Variants in PPP2R2C observed in about 807,000 individuals in gnomAD.
The protein encoded by PPP2R2C is protein phosphatase 2 regulatory subunit Bgamma.
PPP2R2C carries 10 observed loss-of-function variants against 45.3 expected under a neutral mutation model. That is an observed-to-expected ratio of 0.22 (90% confidence interval 0.14 to 0.37). The LOEUF (loss-of-function observed/expected upper bound fraction) is 0.37, where lower values mean the gene tolerates loss of function less well. Ranked by LOEUF, PPP2R2C falls within the 10% of genes least tolerant of loss-of-function variation. The pLI, the probability that PPP2R2C is intolerant of heterozygous loss-of-function variation, is 1.00. For synonymous variants in PPP2R2C, 257 were observed against 245.4 expected (o/e 1.05, Z -0.44); for missense variants, 308 against 619.7 (o/e 0.50, Z 5.34).
intron 1 of PPP2R2C, among the ~76,000 whole-genome samples, chr4:6,408,345 AC>A (rs1717936415): frequency 6.6e-6 from 1 of 151,790 alleles, no homozygotes; most frequent in Non-Finnish European, 1.5e-5. Context: ...GCGCCTAACT[AC>A]CCCCGGTACA....
intron 2 of PPP2R2C, among the ~76,000 whole-genome samples, chr4:6,508,450 A>T (rs1723312816): frequency 6.6e-6 from 1 of 152,090 alleles, no homozygotes; most frequent in Non-Finnish European, 1.5e-5. Flanking sequence ...TTAGCTGGGC[A>T]TAGTGGCGGG....
rs5855913 is a variant in PPP2R2C at position 6,446,879 on chromosome 4, T to TAA, written c.70+25279_70+25280dup. On this transcript the variant is annotated intron_variant, in intron 1 of 8. Coordinates refer to ENST00000382599, the MANE Select transcript of PPP2R2C (RefSeq NM_020416.4). ...TTTTATAAAGCAAAGTGTCTGCTTG[T>TAA]AAAAAAAAAAAAACAAAACATGCTG... Among the ~76,000 whole-genome samples the TAA allele has an allele frequency of 3.0e-3, 429 of 142,172 alleles. 2 individuals carry two copies. The highest frequency in any genetic ancestry group is 0.014 in the Admixed American group (197 of 14,226). 93.3% of individuals were successfully genotyped at this position (142,172 alleles called of 152,430 possible).
intron 1 of PPP2R2C, among the ~76,000 whole-genome samples, chr4:6,557,717 G>T (rs143603535): frequency 6.6e-6 from 1 of 152,192 alleles, no homozygotes; most frequent in East Asian, 1.9e-4. Flanking sequence ...TCTGGATTGG[G>T]AGGCCCTCAA....
intron 1 of PPP2R2C, among the ~76,000 whole-genome samples, chr4:6,442,228 T>C (rs767572910): frequency 6.6e-6 from 1 of 152,226 alleles, no homozygotes; most frequent in African/African-American, 2.4e-5. Context: ...GTGGCTGGCC[T>C]GCAGCTCCCC....
At position 6,322,434 on chromosome 4, in the gene PPP2R2C, C is replaced by CA. The variant is rs1286742371; in HGVS notation, c.*867dup. On this transcript the variant is annotated 3_prime_UTR_variant, in exon 9 of 9. Coordinates refer to ENST00000382599, the MANE Select transcript of PPP2R2C (RefSeq NM_020416.4). The surrounding 1 kb of genome is among the most constrained non-coding windows in gnomAD (Gnocchi z 7.8). ...CACCTCACAGTCAGGAGGAAGATTCCAAAAAATCGTGCATGGGAGTCAGTG... is the reference window on the plus strand; with the variant it reads ...CACCTCACAGTCAGGAGGAAGATTCCAAAAAAATCGTGCATGGGAGTCAGTG... 1 of 152,152 alleles carries CA rather than the reference C, an allele frequency of 6.6e-6. No individual in the cohort carries two copies. The highest frequency in any genetic ancestry group is 1.5e-5 in the Non-Finnish European group (1 of 68,046). 9.4% of individuals were successfully genotyped at this position (152,152 alleles called of 1,614,324 possible).
rs1015723374 is a variant in PPP2R2C at position 6,331,091 on chromosome 4, G to C, written c.961-1738C>G. ...AAATCAAGGGGGATGAATGGCAGCA[G>C]GTTTTAGTGTTCGTGTCCCACCCCC... is the stretch of plus-strand genomic sequence containing the variant. On this transcript the variant is annotated intron_variant, in intron 7 of 8. Transcript: ENST00000382599. The surrounding 1 kb of genome is among the most constrained non-coding windows in gnomAD (Gnocchi z 5.9). 6.6e-6 allele frequency among the ~76,000 whole-genome samples: 1 copy of C among 152,162 alleles called. No homozygotes were observed.
intron 2 of PPP2R2C, among the ~76,000 whole-genome samples, chr4:6,515,455 A>T (rs1723800078): frequency 6.6e-6 from 1 of 152,060 alleles, no homozygotes. Context: ...TTGGATCTCA[A>T]CTCAGCTGTT....
At chr4:6,406,811 C>T (rs1194964757) in intron 1 of PPP2R2C, among the ~76,000 whole-genome samples, 2 of 152,112 alleles carry the variant, frequency 1.3e-5, no homozygotes, top group African/African-American at 4.8e-5. Flanking sequence ...GGTATGTCCA[C>T]ACTCTAATCC....
At chr4:6,530,601 A>T (rs1329397869) in intron 2 of PPP2R2C, among the ~76,000 whole-genome samples, 7 of 152,036 alleles carry the variant, frequency 4.6e-5, no homozygotes, top group African/African-American at 7.2e-5. Context: ...GCAGGGTGTG[A>T]CTCTGAGCTG....
chr4:6,382,622 T>TTCTCTCTCTCTCGTTC (rs1715887545), intron 1 of PPP2R2C: 1 of 510,492 alleles, frequency 2.0e-6, no homozygotes, highest in African/African-American at 2.9e-5. Flanking sequence ...GAGTTTCTCG[T>TTCTCTCTCTCTCGTTC]TCTCTCTCTC....
chr4:6,381,906 T>C (rs1419432807), intron 1 of PPP2R2C: 1 of 1,591,120 alleles, frequency 6.3e-7, no homozygotes, highest in Non-Finnish European at 8.6e-7. Context: ...TCACCAACAT[T>C]CTCAGGTTCT....
intron 1 of PPP2R2C, among the ~76,000 whole-genome samples, chr4:6,556,368 C>T (rs1381385904): frequency 1.3e-5 from 2 of 152,180 alleles, no homozygotes; most frequent in Non-Finnish European, 2.9e-5. Flanking sequence ...TTCTCCTGCC[C>T]TGGGATTGGC....
At chr4:6,512,637 GGTGGTGATGGTGCTGA>G in intron 2 of PPP2R2C, among the ~76,000 whole-genome samples, 1 of 109,202 alleles carries the variant, frequency 9.2e-6, no homozygotes, top group African/African-American at 3.0e-5. Flanking sequence ...TGATGGTGAT[GGTGGTGATGGTGCTGA>G]TGGTGGTGGT....
At chr4:6,409,394 G>A (rs1371483480) in intron 1 of PPP2R2C, among the ~76,000 whole-genome samples, 1 of 152,114 alleles carries the variant, frequency 6.6e-6, no homozygotes, top group African/African-American at 2.4e-5. Flanking sequence ...TGGTGTCAGT[G>A]AGCTTCCTGG....
intron 5 of PPP2R2C, among the ~76,000 whole-genome samples, chr4:6,369,171 A>G (rs867352991): frequency 4.3e-4 from 65 of 152,336 alleles, no homozygotes; most frequent in Admixed American, 1.2e-3. Flanking sequence ...TTTCGTTTGA[A>G]GTATGATTAA....
In PPP2R2C at chr4:6,328,345, C is replaced by A. The variant is rs1295429609; in HGVS notation, c.1052+917G>T. 6.6e-6 allele frequency among the ~76,000 whole-genome samples: 1 copy of A among 152,208 alleles called. No individual in the cohort carries two copies. The highest frequency in any genetic ancestry group is 1.5e-5 in the Non-Finnish European group (1 of 68,038). On this transcript the variant is annotated intron_variant, in intron 8 of 8. Transcript: ENST00000382599. The surrounding 1 kb of genome is among the most constrained non-coding windows in gnomAD (Gnocchi z 4.4). Reference sequence around the variant, plus strand: ...CCACTTCTGAATCTGGGCGGCTGGACAAAGAGGCATCCTGTCCTTGAGGAA... The same window carrying A: ...CCACTTCTGAATCTGGGCGGCTGGAAAAAGAGGCATCCTGTCCTTGAGGAA...
intron 1 of PPP2R2C, among the ~76,000 whole-genome samples, chr4:6,542,840 C>A (rs1427745200): frequency 6.6e-6 from 1 of 152,172 alleles, no homozygotes; most frequent in African/African-American, 2.4e-5. Flanking sequence ...TGTGCTTCCA[C>A]TGTAAAGTTT....
Position 6,472,383 on chromosome 4 carries a change from G to A in PPP2R2C, c.-154C>T. 9.9e-7 allele frequency: 1 copy of A among 1,005,330 alleles called. No homozygotes were observed. Among genetic ancestry groups the A allele is most frequent in the Non-Finnish European group, 1.2e-6 (1 of 838,370 alleles). The allele number at this position is 1,005,330 out of a possible 1,614,324, so 62.3% of individuals were successfully genotyped here. Reference sequence around the variant, plus strand: ...GGGAGGGCATCGCGGCAGGGGGACGGGCGGGGGCGGCCGGGGGCGGGCGCC... The same window carrying A: ...GGGAGGGCATCGCGGCAGGGGGACGAGCGGGGGCGGCCGGGGGCGGGCGCC... On this transcript the variant is annotated 5_prime_UTR_variant, in exon 1 of 9. Transcript: ENST00000382599.
chr4:6,554,948 A>AAGGG (rs1491171368), intron 1 of PPP2R2C, among the ~76,000 whole-genome samples: 63 of 142,730 alleles, frequency 4.4e-4, no homozygotes, highest in Middle Eastern at 3.5e-3. Context: ...AGAAAGAAAG[A>AAGGG]AAGAAAGAAA....
Sources: allele counts gnomAD v4.1 joint callset (sites outside exome capture counted in the v4.1 genomes callset), GRCh38; gene constraint gnomAD v4.1.1; non-coding constraint Gnocchi (gnomAD v3.1); transcripts MANE v1.5; gene names NCBI Gene and HGNC (gene_info 2026-07-23, HGNC 2026-07-21).